The following BCL11A variants were observed in gnomAD, a reference collection of about 807,000 sequenced individuals.
The protein encoded by BCL11A is BCL11 transcription factor A.
Under a neutral mutation model 55.9 loss-of-function variants are expected in BCL11A, and 2 were observed. The ratio of observed to expected loss-of-function variants is 0.04; its 90% confidence interval spans 0.01 to 0.11. The LOEUF (loss-of-function observed/expected upper bound fraction) is 0.11, where lower values mean the gene tolerates loss of function less well. Among genes scored for constraint, BCL11A ranks in the 10% least tolerant of loss-of-function variants. The pLI is 1.00. For missense variants in BCL11A, 817 were observed against 1,137.1 expected, an observed-to-expected ratio of 0.72 and a Z score of 4.05; for synonymous variants, 465 against 473.4, an observed-to-expected ratio of 0.98 and a Z score of 0.23.
intron 2 of BCL11A, among the ~76,000 whole-genome samples, chr2:60,504,514 C>T (rs1193524600): frequency 6.6e-6 from 1 of 151,900 alleles, no homozygotes; most frequent in Non-Finnish European, 1.5e-5. Flanking sequence ...CAATGTTCTT[C>T]TTGAAGTGGG....
At chr2:60,483,589 T>C (rs1011687666) in intron 2 of BCL11A, among the ~76,000 whole-genome samples, 6 of 152,248 alleles carry the variant, frequency 3.9e-5, no homozygotes, top group Admixed American at 2.0e-4. Flanking sequence ...ACTCAGACCC[T>C]GTGGAATGCT....
intron 2 of BCL11A, among the ~76,000 whole-genome samples, chr2:60,512,679 A>C (rs1668530920): frequency 6.6e-6 from 1 of 152,200 alleles, no homozygotes; most frequent in African/African-American, 2.4e-5. Flanking sequence ...TTGCATATCT[A>C]ATTGGAGATG....
chr2:60,475,822 A>G (rs1316915330), intron 2 of BCL11A, among the ~76,000 whole-genome samples: 1 of 152,086 alleles, frequency 6.6e-6, no homozygotes, highest in Non-Finnish European at 1.5e-5. Context: ...ATGTATTCCC[A>G]CTGCCACCAC....
At chr2:60,488,466 C>T (rs1419073714) in intron 2 of BCL11A, among the ~76,000 whole-genome samples, 1 of 152,200 alleles carries the variant, frequency 6.6e-6, no homozygotes, top group Non-Finnish European at 1.5e-5. Context: ...CACGTAGGTA[C>T]TGTCATTTAG....
chr2:60,467,625 T>A (rs1253351005), intron 3 of BCL11A, among the ~76,000 whole-genome samples: 1 of 67,560 alleles, frequency 1.5e-5, no homozygotes, highest in Non-Finnish European at 3.2e-5. Flanking sequence ...ATGGTGGTGG[T>A]AATGGTGGTG....
Position 60,457,463 on chromosome 2 carries a change from G to C in BCL11A, c.*2941C>G. On this transcript the variant is annotated 3_prime_UTR_variant, in exon 4 of 4. Coordinates refer to ENST00000642384, the MANE Select transcript of BCL11A (RefSeq NM_022893.4). ...GCAATAATAAATAGTGACTCCCATA[G>C]TAAAAGATAAAATTTCAAGTTACGA... The C allele has an allele frequency of 9.6e-7, 1 of 1,040,148 alleles. No individual in the cohort carries two copies. The highest frequency in any genetic ancestry group is 5.8e-5 in the East Asian group (1 of 17,380). 64.4% of individuals were successfully genotyped at this position (1,040,148 alleles called of 1,614,324 possible).
chr2:60,549,017 A>G (rs541058260), intron 1 of BCL11A, among the ~76,000 whole-genome samples: 13 of 152,266 alleles, frequency 8.5e-5, no homozygotes, highest in Middle Eastern at 3.4e-3. Context: ...TCGCCCCAAC[A>G]ATACCAACAT....
chr2:60,454,509 C>T (rs891210935), downstream of BCL11A, among the ~76,000 whole-genome samples: 1 of 151,986 alleles, frequency 6.6e-6, no homozygotes, highest in Non-Finnish European at 1.5e-5. Context: ...ACACACCAGG[C>T]CCAGGGACAA....
intron 1 of BCL11A, among the ~76,000 whole-genome samples, chr2:60,547,980 T>G (rs1438322108): frequency 6.6e-6 from 1 of 152,240 alleles, no homozygotes; most frequent in East Asian, 1.9e-4. Flanking sequence ...CACTTATGTT[T>G]CTTTGCCCAA....
At chr2:60,467,294 G>C (rs1234790251) in intron 3 of BCL11A, among the ~76,000 whole-genome samples, 1 of 100,218 alleles carries the variant, frequency 1.0e-5, no homozygotes, top group Non-Finnish European at 2.0e-5. Context: ...AGTGATGGTG[G>C]TGGTAATGGT....
chr2:60,504,522 G>A (rs370768666), intron 2 of BCL11A, among the ~76,000 whole-genome samples: 1 of 151,360 alleles, frequency 6.6e-6, no homozygotes, highest in African/African-American at 2.4e-5. Flanking sequence ...TTCTTGAAGT[G>A]GGAGCTCAGC....
At chr2:60,506,503 T>C (rs1679603008) in intron 2 of BCL11A, among the ~76,000 whole-genome samples, 1 of 152,186 alleles carries the variant, frequency 6.6e-6, no homozygotes, top group African/African-American at 2.4e-5. Flanking sequence ...CACTAGACTG[T>C]ATCTCATTTT....
chr2:60,502,254 A>T (rs1423152384), intron 2 of BCL11A, among the ~76,000 whole-genome samples: 1 of 152,262 alleles, frequency 6.6e-6, no homozygotes, highest in East Asian at 1.9e-4. Flanking sequence ...AAAGCTGGTG[A>T]AACAAAATGA....
chr2:60,467,876 A>ATGG (rs1186597812), intron 3 of BCL11A, among the ~76,000 whole-genome samples: 3 of 30,820 alleles, frequency 9.7e-5, no homozygotes, highest in Non-Finnish European at 7.0e-5. Flanking sequence ...ACTGGTGGTG[A>ATGG]TGGTGGTGGT....
At chr2:60,454,457 A>T (rs1675857144), downstream of BCL11A, among the ~76,000 whole-genome samples, 1 of 151,982 alleles carries the variant, frequency 6.6e-6, no homozygotes, top group Non-Finnish European at 1.5e-5. Context: ...TTTTTATGGG[A>T]AGTTGTCTGA....
chr2:60,517,253 A>G (rs1341262300), intron 2 of BCL11A, among the ~76,000 whole-genome samples: 1 of 152,108 alleles, frequency 6.6e-6, no homozygotes, highest in Non-Finnish European at 1.5e-5. Flanking sequence ...CCCCAACTCC[A>G]TCTACTCCAT....
chr2:60,501,578 C>T (rs1679285417), intron 2 of BCL11A, among the ~76,000 whole-genome samples: 2 of 143,464 alleles, frequency 1.4e-5, no homozygotes, highest in East Asian at 2.1e-4. Flanking sequence ...GGTGTGATCT[C>T]GGCTCACCAC....
At chr2:60,529,749 A>G (rs139727319) in intron 2 of BCL11A, among the ~76,000 whole-genome samples, 1 of 152,356 alleles carries the variant, frequency 6.6e-6, no homozygotes, top group East Asian at 1.9e-4. Context: ...ATGTGATTTT[A>G]TCACATTTTA....
At position 60,546,252 on chromosome 2, in the gene BCL11A, G is replaced by A. The variant is rs748720113; in HGVS notation, c.104C>T (p.Pro35Leu). ...ILTDDEPDHG[P>L]LGAPEGDHDL... ...ATGATCCCCTTCTGGAGCTCCCAACGGGCCGTGGTCTGGTTCATCATCTGT... is the reference window on the plus strand; with the variant it reads ...ATGATCCCCTTCTGGAGCTCCCAACAGGCCGTGGTCTGGTTCATCATCTGT... Residue 35 changes from proline to leucine, a missense_variant, in exon 2 of 4, where the codon CCG becomes CTG. By Grantham distance (98) the Pro-to-Leu change is moderately conservative (BLOSUM62 -3). This residue lies in a region of BCL11A where 363 missense variants were observed against 486.6 expected (regional missense o/e 0.75). Transcript: ENST00000642384. The surrounding 1 kb of genome is among the most constrained non-coding windows in gnomAD (Gnocchi z 4.1). 1.4e-5 allele frequency: 23 copies of A among 1,614,080 alleles called. No individual in the cohort carries two copies. Among genetic ancestry groups the A allele is most frequent in the Admixed American group, 6.7e-5 (4 of 60,002 alleles).
Sources: gnomAD v4.1 joint callset for allele counts (sites outside exome capture counted in the v4.1 genomes callset) on GRCh38, gnomAD v4.1.1 for gene constraint, gnomAD v4.1.1 regional missense constraint, Gnocchi (gnomAD v3.1) non-coding constraint, MANE v1.5 for transcripts, NCBI Gene and HGNC (gene_info 2026-07-23, HGNC 2026-07-21) for gene names.